The following FXR1 variants were observed in gnomAD, a reference collection of about 807,000 sequenced individuals.
FXR1 encodes RNA-binding protein FXR1.
A neutral mutation model predicts 84.0 loss-of-function variants in FXR1; 15 were observed. That is an observed-to-expected ratio of 0.18 (90% CI 0.12 to 0.27). The LOEUF is 0.27. Ranked by LOEUF, FXR1 falls within the 10% of genes least tolerant of loss-of-function variation. FXR1 has a pLI of 1.00. For synonymous variants in FXR1, 245 were observed against 250.7 expected (o/e 0.98, Z 0.21); for missense variants, 480 against 774.4 (o/e 0.62, Z 4.51).
chr3:180,965,494 G>C (rs557307930), intron 13 of FXR1, among the ~76,000 whole-genome samples: 134 of 152,218 alleles, frequency 8.8e-4, no homozygotes, highest in South Asian at 2.7e-3. Flanking sequence ...TTATCTTATA[G>C]TTCTGTTGGT....
intron 2 of FXR1, 36 bp downstream of exon 2, chr3:180,933,422 G>T (rs1720162921): frequency 8.0e-7 from 1 of 1,245,528 alleles, no homozygotes; most frequent in Non-Finnish European, 1.2e-6. Flanking sequence ...CTTAATTTTA[G>T]AGATGGCAGT....
chr3:180,928,931 G>GTT (rs35468799), intron 1 of FXR1, among the ~76,000 whole-genome samples: 51 of 150,122 alleles, frequency 3.4e-4, no homozygotes, highest in Non-Finnish European at 6.2e-4. Flanking sequence ...TTTTTTGTTT[G>GTT]TTTTTTTTTA....
chr3:180,933,266 A>C, intron 1 of FXR1, 68 bp from the exon 2 acceptor site: 1 of 902,862 alleles, frequency 1.1e-6, no homozygotes, highest in South Asian at 1.4e-5. Context: ...TCTTTGAACT[A>C]ATACAACCTT....
chr3:180,973,156 T>C (rs764052138), intron 15 of FXR1, among the ~76,000 whole-genome samples: 71 of 152,224 alleles, frequency 4.7e-4, no homozygotes, highest in Non-Finnish European at 7.8e-4. Context: ...TATTGGACTT[T>C]TAAGGGGCTT....
intron 1 of FXR1, among the ~76,000 whole-genome samples, chr3:180,923,844 G>A (rs972492275): frequency 6.6e-6 from 1 of 152,054 alleles, no homozygotes; most frequent in Non-Finnish European, 1.5e-5. Context: ...TCCCCGCTCA[G>A]TCTCCTGAGT....
Position 180,957,841 on chromosome 3 carries a change from C to A in FXR1, c.903C>A (p.Gly301=). Residue 301 remains glycine, a synonymous_variant, in exon 10 of 17, where the codon GGC becomes GGA. Transcript: ENST00000357559. ...NLVGKVIGKN[G]KVIQEIVDKS... ...AAGGAAAAGTAATTGGAAAAAATGG[C>A]AAAGTTATTCAAGAAATAGTGGACA... is the stretch of plus-strand genomic sequence containing the variant. 1 of 1,564,650 alleles carries A rather than the reference C, an allele frequency of 6.4e-7. No homozygotes were observed. The highest frequency in any genetic ancestry group is 8.7e-7 in the Non-Finnish European group (1 of 1,143,224).
chr3:180,915,452 G>C, intron 1 of FXR1: 1 of 1,288,864 alleles, frequency 7.8e-7, no homozygotes, highest in Non-Finnish European at 1.1e-6. Context: ...TTTTGAGTCC[G>C]GCTTCCATTT....
rs1432668086 is a variant in FXR1 at position 180,957,812 on chromosome 3, A to C, written c.881-7A>C. 7.5e-7 allele frequency: 1 copy of C among 1,331,110 alleles called. No individual in the cohort carries two copies. Among genetic ancestry groups the C allele is most frequent in the African/African-American group, 1.5e-5 (1 of 68,886 alleles). The allele number at this position is 1,331,110 out of a possible 1,614,324, so 82.5% of individuals were successfully genotyped here. A position where few individuals can be genotyped will look rare whatever the true frequency, so the allele number is the denominator to read the frequency against. On this transcript the variant is annotated splice_region_variant and splice_polypyrimidine_tract_variant and intron_variant, in intron 9 of 16. Transcript: ENST00000357559. ...CTTACCATTGTATTTGTTTTCTCTT[A>C]CTAAAGGAAAAGTAATTGGAAAAAA...
At chr3:180,930,226 G>A (rs565980496) in intron 1 of FXR1, among the ~76,000 whole-genome samples, 1 of 151,930 alleles carries the variant, frequency 6.6e-6, no homozygotes, top group East Asian at 1.9e-4. Context: ...TTGCACCACT[G>A]CACTCCAGCC....
intron 1 of FXR1, chr3:180,915,573 G>T (rs1717791782): frequency 1.9e-6 from 2 of 1,030,708 alleles, no homozygotes; most frequent in East Asian, 5.2e-5. Flanking sequence ...CTTGAGATGA[G>T]AGCTGTTAAC....
rs567432591 is a variant in FXR1 at position 180,973,306 on chromosome 3, C to T, written c.1604-2007C>T. 4.6e-5 allele frequency among the ~76,000 whole-genome samples: 7 copies of T among 151,400 alleles called. No homozygotes were observed. In the East Asian group the frequency reaches 7.7e-4, roughly 17 times the overall value. On this transcript the variant is annotated intron_variant, in intron 15 of 16. Transcript: ENST00000357559. Reference sequence around the variant, plus strand: ...TAACTATATCAAAATATTATTCTGTCTCTGTACACAGTGGATGAAAGGTTC... The same window carrying T: ...TAACTATATCAAAATATTATTCTGTTTCTGTACACAGTGGATGAAAGGTTC...
chr3:180,915,003 C>G, intron 1 of FXR1: 1 of 822,196 alleles, frequency 1.2e-6, no homozygotes, highest in Non-Finnish European at 1.5e-6. Flanking sequence ...TAGGTCTGTA[C>G]TTCACCTTAC....
intron 3 of FXR1, among the ~76,000 whole-genome samples, chr3:180,946,432 A>G (rs1205017071): frequency 6.6e-6 from 1 of 152,248 alleles, no homozygotes; most frequent in African/African-American, 2.4e-5. Flanking sequence ...TAATAATTAC[A>G]GAATAAGGGT....
At chr3:180,922,632 AAAAT>A (rs1288119352) in intron 1 of FXR1, among the ~76,000 whole-genome samples, 7 of 152,182 alleles carry the variant, frequency 4.6e-5, no homozygotes, top group Non-Finnish European at 1.0e-4. Context: ...ATAGGATCTC[AAAAT>A]AAATAATACT....
At chr3:180,957,178 CAAGTT>C (rs752981961) in intron 9 of FXR1, among the ~76,000 whole-genome samples, 18 of 146,570 alleles carry the variant, frequency 1.2e-4, no homozygotes, top group Non-Finnish European at 2.7e-4. Flanking sequence ...GACAGACTTA[CAAGTT>C]AAGTGTAGAA....
At chr3:180,960,584 G>C (rs1266992388) in intron 10 of FXR1, among the ~76,000 whole-genome samples, 4 of 152,074 alleles carry the variant, frequency 2.6e-5, no homozygotes, top group Admixed American at 2.0e-4. Flanking sequence ...TCCTACCTCA[G>C]CCTCCCAAGT....
intron 15 of FXR1, chr3:180,971,176 G>A (rs1030089941): frequency 7.9e-6 from 8 of 1,016,652 alleles, no homozygotes; most frequent in Non-Finnish European, 1.1e-5. Context: ...TGGACCTGTG[G>A]ACACCATCAG....
At position 180,951,307 on chromosome 3, in the gene FXR1, C is replaced by A; in HGVS notation, c.640C>A (p.Gln214Lys). The A allele has an allele frequency of 6.3e-7, 1 of 1,597,654 alleles. No homozygotes were observed. Among genetic ancestry groups the A allele is most frequent in the Non-Finnish European group, 8.6e-7 (1 of 1,167,650 alleles). ...TTTCCTTTTTTATTAGTGCACAAAACAACTTGCAGCAGCTTTTCATGAGGA... is the reference window on the plus strand; with the variant it reads ...TTTCCTTTTTTATTAGTGCACAAAAAAACTTGCAGCAGCTTTTCATGAGGA... Reference protein sequence around the residue: ...EATKHLECTKQLAAAFHEEFV... With the variant: ...EATKHLECTKKLAAAFHEEFV... The change falls in exon 8 of 17, where the codon CAA becomes AAA. Residue 214 changes from glutamine to lysine, a missense_variant. By Grantham distance (53) the Gln-to-Lys change is moderately conservative. Transcript: ENST00000357559.
chr3:180,944,946 G>T (rs1301648390), intron 3 of FXR1, among the ~76,000 whole-genome samples: 7 of 152,208 alleles, frequency 4.6e-5, no homozygotes, highest in African/African-American at 1.7e-4. Context: ...TTTAGTGAGG[G>T]TTTAAACATA....
Sources: allele counts gnomAD v4.1 joint callset (sites outside exome capture counted in the v4.1 genomes callset), GRCh38; gene constraint gnomAD v4.1.1; transcripts MANE v1.5; gene names NCBI Gene and HGNC (gene_info 2026-07-23, HGNC 2026-07-21).